TMEM132B: variants seen among roughly 807,000 people sequenced by gnomAD.
The protein encoded by TMEM132B is transmembrane protein 132B.
TMEM132B carries 18 observed loss-of-function variants against 90.8 expected under a neutral mutation model. The ratio of observed to expected loss-of-function variants is 0.20; its 90% CI spans 0.14 to 0.29. TMEM132B has a LOEUF of 0.29. TMEM132B is among the 10% of genes least tolerant of loss of function. TMEM132B has a pLI of 1.00. For synonymous variants in TMEM132B, 504 were observed against 523.3 expected (o/e 0.96, Z 0.50); for missense variants, 1,096 against 1,326.8 (o/e 0.83, Z 2.70).
chr12:125,383,659 T>G (rs1360671484), intron 2 of TMEM132B, among the ~76,000 whole-genome samples: 1 of 152,190 alleles, frequency 6.6e-6, no homozygotes, highest in Non-Finnish European at 1.5e-5. Context: ...AAAGGCAAGT[T>G]TACCTAAAAC....
chr12:125,571,128 T>A (rs1884782376), intron 4 of TMEM132B, among the ~76,000 whole-genome samples: 1 of 152,192 alleles, frequency 6.6e-6, no homozygotes, highest in African/African-American at 2.4e-5. Flanking sequence ...TTGTTAGGTT[T>A]GTTTTCCAAG....
intron 6 of TMEM132B, 75 bp downstream of exon 6, chr12:125,644,356 C>T: frequency 3.3e-6 from 5 of 1,522,300 alleles, no homozygotes; most frequent in Non-Finnish European, 4.5e-6. Flanking sequence ...AACTGGCCCT[C>T]AGGGACTCAA....
At position 125,350,656 on chromosome 12, in the gene TMEM132B, G is replaced by A. The variant is rs545202419; in HGVS notation, c.959+313G>A. Among the ~76,000 whole-genome samples the A allele has an allele frequency of 3.1e-4, 47 of 152,340 alleles. 1 individual carries two copies. The highest frequency in any genetic ancestry group is 1.0e-3 in the African/African-American group (43 of 41,580). ...GTGTGAGTGCAAGGAGGCCAGCTGC[G>A]TCTGCTGGCTGGCAGTTATCAAAGT... On this transcript the variant is annotated intron_variant, in intron 2 of 8. Transcript: ENST00000682704.
chr12:125,188,869 A>AG (rs1957778223), intron 1 of TMEM132B, among the ~76,000 whole-genome samples: 1 of 151,422 alleles, frequency 6.6e-6, no homozygotes, highest in African/African-American at 2.4e-5. Flanking sequence ...AAAAAAAAAA[A>AG]AAAAGAAAAA....
At chr12:125,622,348 C>G (rs1269566965) in intron 5 of TMEM132B, 2 of 346,350 alleles carry the variant, frequency 5.8e-6, no homozygotes, top group Non-Finnish European at 8.1e-6. Flanking sequence ...TAATTTATTG[C>G]TAATGTAAAT....
At chr12:125,396,752 C>T (rs1879180024) in intron 2 of TMEM132B, among the ~76,000 whole-genome samples, 1 of 152,138 alleles carries the variant, frequency 6.6e-6, no homozygotes, top group Admixed American at 6.5e-5. Flanking sequence ...AGTGATCCAC[C>T]TGCCTTGCCC....
chr12:125,237,894 A>G (rs1873972162), intron 1 of TMEM132B, among the ~76,000 whole-genome samples: 2 of 152,118 alleles, frequency 1.3e-5, no homozygotes, highest in Admixed American at 1.3e-4. Context: ...GAATGAACAG[A>G]CCAGGGTTCC....
intron 2 of TMEM132B, among the ~76,000 whole-genome samples, chr12:125,409,500 A>C (rs1452832132): frequency 6.6e-6 from 1 of 152,104 alleles, no homozygotes; most frequent in Admixed American, 6.5e-5. Context: ...GACTGAGGCG[A>C]GCGAGAAAAA....
intron 2 of TMEM132B, among the ~76,000 whole-genome samples, chr12:125,369,465 C>T (rs1428481246): frequency 6.6e-6 from 1 of 151,978 alleles, no homozygotes; most frequent in Non-Finnish European, 1.5e-5. Flanking sequence ...TAACTGAAGC[C>T]TTGGAAAGGA....
rs1880987372 is a variant in TMEM132B, at chr12:125,445,673, C to T, written c.1106+29996C>T. ...TCCCTTGGCAAGCTCACAAGCTGGC[C>T]AGGCCTGGGTACCATCTTGTTGGGG... On this transcript the variant is annotated intron_variant, in intron 3 of 8. Transcript: ENST00000682704. The surrounding 1 kb of genome is among the most constrained non-coding windows in gnomAD (Gnocchi z 4.3). Among the ~76,000 whole-genome samples the T allele has an allele frequency of 6.6e-6, 1 of 152,204 alleles. No homozygotes were observed.
rs1879486501 is a variant in TMEM132B, at chr12:125,406,544, T to C, written c.960-8987T>C. On this transcript the variant is annotated intron_variant, in intron 2 of 8. Coordinates refer to ENST00000682704, the MANE Select transcript of TMEM132B (RefSeq NM_001366854.1). The surrounding 1 kb of genome is among the most constrained non-coding windows in gnomAD (Gnocchi z 8.3). The stretch of plus-strand genomic sequence containing the variant: ...TGCTCCTCTTTGCATTTCCAAGTGC[T>C]TCATGTGTAGTACCTGAAACTCAAG... Among the ~76,000 whole-genome samples, 2 of 152,250 alleles carry C rather than the reference T, an allele frequency of 1.3e-5. No homozygotes were observed. The highest frequency in any genetic ancestry group is 2.9e-5 in the Non-Finnish European group (2 of 68,046).
At chr12:125,267,592 C>A (rs975440188) in intron 1 of TMEM132B, among the ~76,000 whole-genome samples, 1 of 152,156 alleles carries the variant, frequency 6.6e-6, no homozygotes, top group African/African-American at 2.4e-5. Context: ...TGTTTCTCTA[C>A]TATACAGAAA....
intron 1 of TMEM132B, among the ~76,000 whole-genome samples, chr12:125,198,128 T>G (rs1359661468): frequency 1.3e-5 from 2 of 152,230 alleles, no homozygotes; most frequent in African/African-American, 4.8e-5. Context: ...ATAGCCTTCT[T>G]TATGTTTAAT....
At chr12:125,604,725 A>G (rs1287269425) in intron 5 of TMEM132B, among the ~76,000 whole-genome samples, 3 of 152,156 alleles carry the variant, frequency 2.0e-5, no homozygotes, top group Non-Finnish European at 4.4e-5. Flanking sequence ...CCTGTAGAGG[A>G]TTTTTTCGTT....
intron 1 of TMEM132B, among the ~76,000 whole-genome samples, chr12:125,253,585 C>T (rs2136104339): frequency 6.6e-6 from 1 of 152,166 alleles, no homozygotes; most frequent in East Asian, 1.9e-4. Context: ...CAGGTGTGTA[C>T]CACCACGCCC....
At chr12:125,236,607 C>T (rs957605427) in intron 1 of TMEM132B, among the ~76,000 whole-genome samples, 3 of 152,200 alleles carry the variant, frequency 2.0e-5, no homozygotes, top group African/African-American at 4.8e-5. Flanking sequence ...TGTCTGTATA[C>T]GGTGCTACCT....
intron 1 of TMEM132B, among the ~76,000 whole-genome samples, chr12:125,310,649 C>T (rs1257901446): frequency 6.6e-6 from 1 of 152,210 alleles, no homozygotes; most frequent in East Asian, 1.9e-4. Context: ...GGGGCTGTCT[C>T]TCAGTGGCTG....
At chr12:125,647,243 C>T (rs1156316877) in intron 6 of TMEM132B, among the ~76,000 whole-genome samples, 2 of 151,968 alleles carry the variant, frequency 1.3e-5, no homozygotes, top group South Asian at 2.1e-4. Context: ...CTAGGATTCC[C>T]GTAATTAGAA....
At chr12:125,236,917 A>T (rs1261803260) in intron 1 of TMEM132B, among the ~76,000 whole-genome samples, 2 of 152,228 alleles carry the variant, frequency 1.3e-5, no homozygotes, top group African/African-American at 4.8e-5. Context: ...AGGTGCTTGC[A>T]GGCAGGATGG....
Sources: allele counts gnomAD v4.1 joint callset (sites outside exome capture counted in the v4.1 genomes callset), GRCh38; gene constraint gnomAD v4.1.1; non-coding constraint Gnocchi (gnomAD v3.1); transcripts MANE v1.5; gene names NCBI Gene and HGNC (gene_info 2026-07-23, HGNC 2026-07-21).